The following NTM variants were observed in gnomAD, a reference collection of about 807,000 sequenced individuals.
NTM encodes neurotrimin.
NTM carries 13 observed loss-of-function variants against 42.1 expected under a neutral mutation model. The observed-to-expected ratio is 0.31, with a 90% CI of 0.20 to 0.49. The LOEUF is 0.49. NTM is among the 20% of genes least tolerant of loss of function. NTM has a pLI of 0.99. For missense variants in NTM, 373 were observed against 452.8 expected (o/e 0.82, Z 1.60); for synonymous variants, 187 against 179.2 (o/e 1.04, Z -0.35).
intron 1 of NTM, among the ~76,000 whole-genome samples, chr11:131,380,534 T>A (rs1235346433): frequency 6.6e-6 from 1 of 152,148 alleles, no homozygotes; most frequent in Non-Finnish European, 1.5e-5. Context: ...GCTTCTCTTA[T>A]GCTTGCCTTG....
At chr11:131,751,279 A>AAAAT (rs1223466043) in intron 1 of NTM, among the ~76,000 whole-genome samples, 59 of 151,806 alleles carry the variant, frequency 3.9e-4, no homozygotes, top group African/African-American at 6.0e-4. Flanking sequence ...ACTAAAATAA[A>AAAAT]AAATAAATAA....
chr11:131,699,909 GGT>G (rs10577927), intron 1 of NTM, among the ~76,000 whole-genome samples: 36,388 of 129,432 alleles, frequency 0.28, 4,982 homozygotes, highest in Admixed American at 0.35. Flanking sequence ...CAAAGCAGCA[GGT>G]GTGTGTGTGT....
Position 131,942,530 on chromosome 11 carries a change from T to C in NTM, c.167+30882T>C, listed in dbSNP as rs141536926. On this transcript the variant is annotated intron_variant, in intron 2 of 8. Coordinates refer to ENST00000683400, the MANE Select transcript of NTM (RefSeq NM_001352005.2). Reference sequence around the variant, plus strand: ...TTCTCTGGGCCTGGAAGGGGAATGATGGTGGTTTGGTGGACACATAACATT... The same window carrying C: ...TTCTCTGGGCCTGGAAGGGGAATGACGGTGGTTTGGTGGACACATAACATT... Among the ~76,000 whole-genome samples, 567 of 152,270 alleles carry C rather than the reference T, an allele frequency of 3.7e-3. 4 individuals are homozygous for C. Among genetic ancestry groups the C allele is most frequent in the African/African-American group, 0.013 (537 of 41,554 alleles).
intron 4 of NTM, among the ~76,000 whole-genome samples, chr11:132,230,529 CA>C (rs1374575986): frequency 2.0e-5 from 3 of 152,294 alleles, no homozygotes; most frequent in South Asian, 2.1e-4. Flanking sequence ...GGAGCTTAAT[CA>C]GGGGCATAAC....
intron 2 of NTM, among the ~76,000 whole-genome samples, chr11:132,112,718 T>TACACACACACAC (rs61630313): frequency 4.1e-4 from 58 of 142,158 alleles, no homozygotes; most frequent in African/African-American, 1.3e-3. Flanking sequence ...ACTGCACACT[T>TACACACACACAC]ACACACACAC....
intron 3 of NTM, among the ~76,000 whole-genome samples, chr11:132,168,764 A>C (rs1041945478): frequency 6.6e-6 from 1 of 152,176 alleles, no homozygotes; most frequent in Admixed American, 6.5e-5. Context: ...GGGAATCTTT[A>C]AGTCAACTTA....
chr11:131,521,316 G>GAAATAAATAAATAAAT (rs201311970), intron 1 of NTM, among the ~76,000 whole-genome samples: 38 of 109,654 alleles, frequency 3.5e-4, no homozygotes, highest in Non-Finnish European at 2.6e-4. Flanking sequence ...CTCCATCTCA[G>GAAATAAATAAATAAAT]AAATAAATAA....
At chr11:131,461,425 C>A (rs1046358142) in intron 1 of NTM, among the ~76,000 whole-genome samples, 1 of 152,050 alleles carries the variant, frequency 6.6e-6, no homozygotes. Context: ...TAAAAGACAG[C>A]TAAAGAAAAG....
chr11:131,391,743 G>A lies in NTM; in HGVS notation c.82+20855G>A, dbSNP rs113010245. Reference sequence around the variant, plus strand: ...GAAACAGGCTCCCAGCACCCTGTGCGGCTCATTTCTACACCCGTGACAGGT... The same window carrying A: ...GAAACAGGCTCCCAGCACCCTGTGCAGCTCATTTCTACACCCGTGACAGGT... On this transcript the variant is annotated intron_variant, in intron 1 of 8. Coordinates refer to ENST00000683400, the MANE Select transcript of NTM (RefSeq NM_001352005.2). Among the ~76,000 whole-genome samples the A allele has an allele frequency of 2.2e-3, 334 of 151,840 alleles. 2 individuals are homozygous for A. Among genetic ancestry groups the A allele is most frequent in the African/African-American group, 7.1e-3 (294 of 41,408 alleles).
intron 1 of NTM, among the ~76,000 whole-genome samples, chr11:131,761,663 G>C (rs957773870): frequency 6.6e-6 from 1 of 151,944 alleles, no homozygotes; most frequent in Non-Finnish European, 1.5e-5. Context: ...AAAAAAATTA[G>C]CCAGGCGTGG....
chr11:132,267,423 C>T (rs1273372952), intron 4 of NTM, among the ~76,000 whole-genome samples: 1 of 151,784 alleles, frequency 6.6e-6, no homozygotes, highest in East Asian at 1.9e-4. Context: ...CTTTCCTTAC[C>T]CATAGTTGAT....
At chr11:132,229,741 G>A (rs1156415661) in intron 4 of NTM, among the ~76,000 whole-genome samples, 1 of 152,136 alleles carries the variant, frequency 6.6e-6, no homozygotes, top group East Asian at 1.9e-4. Flanking sequence ...ATGTTATATG[G>A]CCCAGAGCCT....
At position 132,252,594 on chromosome 11, in the gene NTM, G is replaced by A. The variant is rs542079502; in HGVS notation, c.526+40447G>A. Among the ~76,000 whole-genome samples the A allele has an allele frequency of 2.6e-5, 4 of 152,352 alleles. No homozygotes were observed. In the South Asian group the frequency reaches 8.3e-4, roughly 32 times the overall value. On this transcript the variant is annotated intron_variant, in intron 4 of 8. Coordinates refer to ENST00000683400, the MANE Select transcript of NTM (RefSeq NM_001352005.2). ...GAGATGTAGATGGGTAGATGAATAAGAAGTTGGTTAATAAAAGAGAGAGAA... is the reference window on the plus strand; with the variant it reads ...GAGATGTAGATGGGTAGATGAATAAAAAGTTGGTTAATAAAAGAGAGAGAA...
At position 131,541,849 on chromosome 11, in the gene NTM, C is replaced by T. The variant is rs182999814; in HGVS notation, c.82+170961C>T. Among the ~76,000 whole-genome samples the T allele has an allele frequency of 2.1e-4, 32 of 152,324 alleles. No homozygotes were observed. In the East Asian group the frequency reaches 3.3e-3, roughly 16 times the overall value. On this transcript the variant is annotated intron_variant, in intron 1 of 8. Coordinates refer to ENST00000683400, the MANE Select transcript of NTM (RefSeq NM_001352005.2). ...ACTAGTTGCTCAATTAGCGTCATTT[C>T]CTCTCTCCCCTACTTCCTCCATGCT...
At chr11:131,600,375 G>A (rs1245511344) in intron 1 of NTM, among the ~76,000 whole-genome samples, 2 of 152,200 alleles carry the variant, frequency 1.3e-5, no homozygotes, top group African/African-American at 4.8e-5. Context: ...CTGTAGAAAA[G>A]TGATTAAAAT....
intron 1 of NTM, among the ~76,000 whole-genome samples, chr11:131,736,729 A>G (rs1005579169): frequency 6.6e-6 from 1 of 152,202 alleles, no homozygotes; most frequent in Non-Finnish European, 1.5e-5. Flanking sequence ...TTTGGTAAAA[A>G]TAGTGCAGAC....
chr11:131,834,781 A>G (rs1431369354), intron 1 of NTM, among the ~76,000 whole-genome samples: 2 of 151,948 alleles, frequency 1.3e-5, no homozygotes, highest in Non-Finnish European at 2.9e-5. Flanking sequence ...CCATGATCCA[A>G]TCTAGGCATT....
chr11:131,553,485 G>A (rs1479589183), intron 1 of NTM, among the ~76,000 whole-genome samples: 2 of 152,094 alleles, frequency 1.3e-5, no homozygotes, highest in African/African-American at 4.8e-5. Context: ...ATGAATGACA[G>A]CACCATCCCA....
chr11:132,164,224 T>TTTGTTG (rs796158765), intron 3 of NTM, among the ~76,000 whole-genome samples: 1 of 152,188 alleles, frequency 6.6e-6, no homozygotes, highest in East Asian at 1.9e-4. Context: ...TCTGGCTTTG[T>TTTGTTG]TTGTTGTTGT....
Sources: allele counts gnomAD v4.1 joint callset (sites outside exome capture counted in the v4.1 genomes callset), GRCh38; gene constraint gnomAD v4.1.1; transcripts MANE v1.5; gene names NCBI Gene and HGNC (gene_info 2026-07-23, HGNC 2026-07-21).